The following TAFA1 variants were observed in gnomAD, a reference collection of about 807,000 sequenced individuals.
TAFA1 encodes the protein TAFA chemokine like family member 1.
A neutral mutation model predicts 18.5 loss-of-function variants in TAFA1; 4 were observed. That is an observed-to-expected ratio of 0.22 (90% CI 0.11 to 0.49). The LOEUF (loss-of-function observed/expected upper bound fraction) is 0.49. TAFA1 is among the 20% of genes least tolerant of loss of function. The pLI, the probability that TAFA1 is intolerant of heterozygous loss-of-function variation, is 0.98. For synonymous variants in TAFA1, 56 were observed against 55.2 expected (o/e 1.01, Z -0.06); for missense variants, 147 against 169.0 (o/e 0.87, Z 0.72).
intron 2 of TAFA1, among the ~76,000 whole-genome samples, chr3:68,062,450 C>T (rs929299848): frequency 4.2e-4 from 64 of 152,152 alleles, no homozygotes; most frequent in African/African-American, 1.5e-3. Context: ...AAGACTAGTT[C>T]ATGACTTCTG....
chr3:68,486,234 A>G (rs1460130664), intron 3 of TAFA1, among the ~76,000 whole-genome samples: 5 of 151,962 alleles, frequency 3.3e-5, no homozygotes, highest in African/African-American at 1.2e-4. Flanking sequence ...TGCTGAGATT[A>G]CAGATGTGGG....
chr3:68,392,515 T>C (rs2070282742), intron 2 of TAFA1, among the ~76,000 whole-genome samples: 1 of 151,914 alleles, frequency 6.6e-6, no homozygotes, highest in Non-Finnish European at 1.5e-5. Flanking sequence ...GCAGAACTAA[T>C]AGACATCTGC....
chr3:68,433,863 A>G (rs1318099884), intron 3 of TAFA1, among the ~76,000 whole-genome samples: 1 of 152,142 alleles, frequency 6.6e-6, no homozygotes, highest in South Asian at 2.1e-4. Flanking sequence ...TGAGATACAG[A>G]TTTGGTGGGC....
intron 2 of TAFA1, among the ~76,000 whole-genome samples, chr3:68,096,298 T>C (rs932864932): frequency 2.0e-5 from 3 of 152,140 alleles, no homozygotes; most frequent in Non-Finnish European, 2.9e-5. Flanking sequence ...CCATTGTACA[T>C]ATGTACCACA....
chr3:68,100,061 C>A (rs2065130792), intron 2 of TAFA1, among the ~76,000 whole-genome samples: 1 of 152,090 alleles, frequency 6.6e-6, no homozygotes, highest in Non-Finnish European at 1.5e-5. Flanking sequence ...TGCTTACTAT[C>A]TAGATGATGG....
At chr3:68,502,263 C>A (rs188426544) in intron 3 of TAFA1, among the ~76,000 whole-genome samples, 9 of 152,122 alleles carry the variant, frequency 5.9e-5, no homozygotes, top group African/African-American at 9.6e-5. Flanking sequence ...ATAATTAATT[C>A]TGTTTTACAG....
chr3:68,363,218 G>C (rs1030811888), intron 2 of TAFA1, among the ~76,000 whole-genome samples: 5 of 151,954 alleles, frequency 3.3e-5, no homozygotes, highest in Non-Finnish European at 7.4e-5. Context: ...TGTTAATTTG[G>C]GAAGAGTGAG....
rs562626942 is a variant in TAFA1 at position 68,491,563 on chromosome 3, A to C, written c.260-47193A>C. Among the ~76,000 whole-genome samples the C allele has an allele frequency of 6.1e-3, 733 of 120,672 alleles. 13 individuals carry two copies. Among genetic ancestry groups the C allele is most frequent in the African/African-American group, 0.021 (680 of 32,030 alleles). The allele number at this position is 120,672 out of a possible 152,430, so 79.2% of individuals were successfully genotyped here. On this transcript the variant is annotated intron_variant, in intron 3 of 4. Coordinates refer to ENST00000478136, the MANE Select transcript of TAFA1 (RefSeq NM_213609.4). ...TGTGGGGTGGGGGGAGGGGGGAGGG[A>C]TAGCATTGGGAGATATACCTAATGT...
At chr3:68,508,458 T>C (rs144991764) in intron 3 of TAFA1, among the ~76,000 whole-genome samples, 113 of 151,150 alleles carry the variant, frequency 7.5e-4, no homozygotes, top group Middle Eastern at 3.4e-3. Context: ...TTACTCTTCT[T>C]AGCAACTCTA....
chr3:68,309,871 C>A (rs1268646160), intron 2 of TAFA1, among the ~76,000 whole-genome samples: 1 of 152,128 alleles, frequency 6.6e-6, no homozygotes, highest in East Asian at 1.9e-4. Context: ...TTAGTTCTAG[C>A]AGCTGCAGGG....
chr3:68,007,297 G>A (rs1302031785), intron 2 of TAFA1, among the ~76,000 whole-genome samples: 3 of 152,096 alleles, frequency 2.0e-5, no homozygotes, highest in Non-Finnish European at 4.4e-5. Flanking sequence ...GCAGTTTCAG[G>A]GACGAAGTCC....
intron 2 of TAFA1, among the ~76,000 whole-genome samples, chr3:68,284,109 A>G (rs888607243): frequency 6.6e-6 from 1 of 152,196 alleles, no homozygotes; most frequent in Non-Finnish European, 1.5e-5. Flanking sequence ...AGACAGAAGA[A>G]TTAAATGAGA....
intron 2 of TAFA1, among the ~76,000 whole-genome samples, chr3:68,345,285 C>T (rs917391122): frequency 6.6e-6 from 1 of 152,152 alleles, no homozygotes; most frequent in Non-Finnish European, 1.5e-5. Flanking sequence ...CAGATCTAAT[C>T]CTTACCTCGT....
At chr3:68,234,689 T>A (rs541917527) in intron 2 of TAFA1, among the ~76,000 whole-genome samples, 4 of 152,136 alleles carry the variant, frequency 2.6e-5, no homozygotes, top group Admixed American at 6.5e-5. Flanking sequence ...TACCCACATT[T>A]TCACTCATTG....
intron 2 of TAFA1, among the ~76,000 whole-genome samples, chr3:68,086,777 TC>T (rs1285840327): frequency 6.6e-6 from 1 of 152,198 alleles, no homozygotes; most frequent in Non-Finnish European, 1.5e-5. Context: ...AAACCTATTT[TC>T]CCAGACAGTG....
intron 2 of TAFA1, among the ~76,000 whole-genome samples, chr3:68,218,620 A>C (rs567169794): frequency 6.6e-6 from 1 of 152,288 alleles, no homozygotes; most frequent in Non-Finnish European, 1.5e-5. Context: ...ATACTGGAAA[A>C]GCATCCAGAC....
intron 2 of TAFA1, among the ~76,000 whole-genome samples, chr3:68,176,506 T>C (rs1271973673): frequency 6.6e-6 from 1 of 152,146 alleles, no homozygotes; most frequent in African/African-American, 2.4e-5. Flanking sequence ...TTACAGATCA[T>C]TTAGTCTCCC....
chr3:68,227,093 G>A lies in TAFA1; in HGVS notation c.119-190187G>A, dbSNP rs543363964. 1.2e-3 allele frequency among the ~76,000 whole-genome samples: 176 copies of A among 152,234 alleles called. 1 individual carries two copies. The highest frequency in any genetic ancestry group is 3.4e-3 in the African/African-American group (141 of 41,544). ...AACAATGAGCTGCTGAAAGCCAAGA[G>A]TCAAGCAGTCATTGTTACTGGGGTG... On this transcript the variant is annotated intron_variant, in intron 2 of 4. Coordinates refer to ENST00000478136, the MANE Select transcript of TAFA1 (RefSeq NM_213609.4).
intron 2 of TAFA1, among the ~76,000 whole-genome samples, chr3:68,111,437 G>T (rs1313301960): frequency 6.6e-6 from 1 of 152,006 alleles, no homozygotes. Context: ...ACTAAAGAAA[G>T]ATCTTACAAA....
Sources: allele counts gnomAD v4.1 joint callset (sites outside exome capture counted in the v4.1 genomes callset), GRCh38; gene constraint gnomAD v4.1.1; transcripts MANE v1.5; gene names NCBI Gene and HGNC (gene_info 2026-07-23, HGNC 2026-07-21).